PRRC2B: variants seen among roughly 807,000 people sequenced by gnomAD.
The protein encoded by PRRC2B is protein PRRC2B.
PRRC2B carries 68 observed loss-of-function variants against 242.3 expected under a neutral mutation model. The observed-to-expected ratio is 0.28, with a 90% CI of 0.23 to 0.34. The LOEUF (loss-of-function observed/expected upper bound fraction) is 0.34. Among genes scored for constraint, PRRC2B ranks in the 10% least tolerant of loss-of-function variants. The pLI is 1.00. For synonymous variants in PRRC2B, 1,228 were observed against 1,173.6 expected (o/e 1.05, Z -0.95); for missense variants, 2,835 against 2,954.8 (o/e 0.96, Z 0.94).
intron 10 of PRRC2B, among the ~76,000 whole-genome samples, chr9:131,457,049 G>A (rs1943103141): frequency 6.6e-6 from 1 of 152,152 alleles, no homozygotes; most frequent in African/African-American, 2.4e-5. Context: ...AAATCTGTGA[G>A]TCATCTTTTT....
chr9:131,467,455 A>G (rs536258116), intron 12 of PRRC2B, 108 bp from the exon 13 acceptor site: 34 of 969,560 alleles, frequency 3.5e-5, no homozygotes, highest in South Asian at 3.3e-4. Context: ...TGACTGTTCT[A>G]GCAGTGGAGC....
intron 9 of PRRC2B, among the ~76,000 whole-genome samples, chr9:131,454,375 C>T (rs1564288938): frequency 6.6e-6 from 1 of 152,226 alleles, no homozygotes; most frequent in Non-Finnish European, 1.5e-5. Context: ...TAAGGGTAGA[C>T]AACTACTTGG....
intron 1 of PRRC2B, among the ~76,000 whole-genome samples, chr9:131,406,787 A>G (rs1033931230): frequency 6.6e-6 from 1 of 152,224 alleles, no homozygotes; most frequent in African/African-American, 2.4e-5. Context: ...AACAGTTACA[A>G]TACAGGCGTG....
chr9:131,389,001 T>C (rs536469388), intron 1 of PRRC2B, among the ~76,000 whole-genome samples: 2 of 146,924 alleles, frequency 1.4e-5, no homozygotes, highest in South Asian at 4.2e-4. Context: ...CCGCCACTCC[T>C]GGCAAATTTT....
chr9:131,465,042 G>T lies in PRRC2B; in HGVS notation c.1684G>T (p.Ala562Ser), dbSNP rs899238152. The change falls in exon 12 of 32, where the codon GCA (alanine) becomes TCA (serine). Residue 562 changes from alanine (A) to serine (S), a missense_variant. Around this residue, in one of 7 missense-constraint regions of PRRC2B, gnomAD observed 1,536 missense variants for 1,483.1 expected, o/e 1.04. Transcript: ENST00000683519. ...GCCCTGGTCTCCAAGTGCTGAGAAG[G>T]CATCTCCCCAGGAAAACGGCCCTGC... The part of the protein sequence containing the change: ...EVPWSPSAEK[A>S]SPQENGPAVH... The T allele has an allele frequency of 6.8e-6, 11 of 1,613,812 alleles. No homozygotes were observed. Among genetic ancestry groups the T allele is most frequent in the Non-Finnish European group, 8.5e-6 (10 of 1,179,854 alleles).
At chr9:131,391,627 T>C (rs1170457435), upstream of PRRC2B, among the ~76,000 whole-genome samples, 1 of 152,194 alleles carries the variant, frequency 6.6e-6, no homozygotes, top group Non-Finnish European at 1.5e-5. Flanking sequence ...CACACTAGTG[T>C]CTGTTTTATG....
chr9:131,460,795 G>C (rs1175865294), intron 11 of PRRC2B, among the ~76,000 whole-genome samples: 2 of 152,026 alleles, frequency 1.3e-5, no homozygotes, highest in Non-Finnish European at 2.9e-5. Context: ...CCGGATGCAT[G>C]ACCTGTCTTG....
chr9:131,409,177 G>A (rs1837442496), intron 1 of PRRC2B, among the ~76,000 whole-genome samples: 1 of 151,244 alleles, frequency 6.6e-6, no homozygotes, highest in Non-Finnish European at 1.5e-5. Context: ...CATGTGCCAC[G>A]ACGCCCGGCT....
Position 131,455,157 on chromosome 9 carries a change from G to C in PRRC2B, c.1202G>C (p.Arg401Thr), listed in dbSNP as rs1943035906. The change falls in exon 10 of 32, where the codon AGG becomes ACG. Residue 401 changes from arginine (R) to threonine (T), a missense_variant. Arg to Thr is a moderately conservative substitution (Grantham distance 71). Around this residue, in one of 7 missense-constraint regions of PRRC2B, gnomAD observed 626 missense variants for 685.5 expected, o/e 0.91. Transcript: ENST00000683519. ...GAGGAAGAAGTTGTGAAGGACGGCA[G>C]GCCAAAGTGGTAAGGACCCGTTCCT... ...EEEEEVVKDG[R>T]PKWNSWDPRR... is the part of the protein sequence containing the mutation. 4.3e-6 allele frequency: 7 copies of C among 1,613,148 alleles called. No individual in the cohort carries two copies. Among genetic ancestry groups the C allele is most frequent in the African/African-American group, 1.3e-5 (1 of 74,906 alleles).
intron 26 of PRRC2B, chr9:131,486,388 C>A: frequency 1.5e-6 from 1 of 668,930 alleles, no homozygotes; most frequent in Non-Finnish European, 1.8e-6. Flanking sequence ...GAGTTGGCTG[C>A]TCCAGACTCT....
At chr9:131,432,896 C>T (rs764212579) in intron 3 of PRRC2B, 102 bp downstream of exon 3, 2 of 1,194,272 alleles carry the variant, frequency 1.7e-6, no homozygotes, top group Non-Finnish European at 1.2e-6. Context: ...GCTACTGCAG[C>T]GCTAGTCTTG....
chr9:131,477,942 C>T lies in PRRC2B; in HGVS notation c.4605C>T (p.Asn1535=). The change falls in exon 17 of 32, where the codon AAC becomes AAT. Residue 1535 remains asparagine (N), a synonymous_variant. Transcript: ENST00000683519. ...QGEAMKQFDL[N]YGSAIIENCG... ...AGGCCATGAAACAGTTTGACCTGAA[C>T]TATGGAAGTAAGTCATCCTCATATC... 1 of 1,613,694 alleles carries T rather than the reference C, an allele frequency of 6.2e-7. No homozygotes were observed. Among genetic ancestry groups the T allele is most frequent in the Non-Finnish European group, 8.5e-7 (1 of 1,179,604 alleles).
chr9:131,390,947 T>C (rs1836893661), upstream of PRRC2B, among the ~76,000 whole-genome samples: 2 of 151,712 alleles, frequency 1.3e-5, no homozygotes, highest in African/African-American at 4.8e-5. Context: ...CCACCAGGCC[T>C]GGCTAATTTT....
At chr9:131,386,912 TGAG>T (rs1836833582) in intron 1 of PRRC2B, among the ~76,000 whole-genome samples, 1 of 150,110 alleles carries the variant, frequency 6.7e-6, no homozygotes, top group Non-Finnish European at 1.5e-5. Flanking sequence ...GTCTGCAAGC[TGAG>T]GAGCATGGAG....
chr9:131,455,246 C>G, intron 10 of PRRC2B, 80 bp downstream of exon 10: 1 of 959,524 alleles, frequency 1.0e-6, no homozygotes, highest in South Asian at 1.5e-5. Flanking sequence ...TTCCCAGTTT[C>G]CATAGCAACC....
At chr9:131,387,956 C>T (rs1023680005) in intron 1 of PRRC2B, among the ~76,000 whole-genome samples, 1 of 150,402 alleles carries the variant, frequency 6.6e-6, no homozygotes, top group African/African-American at 2.4e-5. Flanking sequence ...TTTGGGAGGC[C>T]CAGGTGGGTG....
chr9:131,449,949 T>C (rs1942858698), intron 9 of PRRC2B, among the ~76,000 whole-genome samples: 2 of 152,234 alleles, frequency 1.3e-5, no homozygotes, highest in African/African-American at 2.4e-5. Context: ...CGGCCAATTC[T>C]CCACAACATT....
chr9:131,478,155 C>T (rs1392148080), intron 17 of PRRC2B, among the ~76,000 whole-genome samples: 2 of 152,140 alleles, frequency 1.3e-5, no homozygotes, highest in East Asian at 1.9e-4. Context: ...GTTGAATCCC[C>T]GTGACACCCT....
At position 131,476,019 on chromosome 9, in the gene PRRC2B, G is replaced by T; in HGVS notation, c.3890G>T (p.Arg1297Leu). The T allele has an allele frequency of 6.2e-7, 1 of 1,606,366 alleles. No homozygotes were observed. Among genetic ancestry groups the T allele is most frequent in the Non-Finnish European group, 8.5e-7 (1 of 1,174,674 alleles). ...HVADSENAEN[R>L]PFRRRRPPRQ... The stretch of plus-strand genomic sequence containing the variant: ...GCAGATTCTGAAAATGCAGAGAACC[G>T]GCCCTTCAGGAGAAGGCGCCCCCCA... The change falls in exon 16 of 32, where the codon CGG becomes CTG. Residue 1297 changes from arginine to leucine, a missense_variant. Transcript: ENST00000683519.
Sources: gnomAD v4.1 joint callset for allele counts (sites outside exome capture counted in the v4.1 genomes callset) on GRCh38, gnomAD v4.1.1 for gene constraint, gnomAD v4.1.1 regional missense constraint, MANE v1.5 for transcripts, NCBI Gene and HGNC (gene_info 2026-07-23, HGNC 2026-07-21) for gene names.